NXPE2: variants seen among roughly 807,000 people sequenced by gnomAD.
NXPE2 encodes the protein NXPE family member 2.
A neutral mutation model predicts 34.4 loss-of-function variants in NXPE2; 34 were observed. The ratio of observed to expected loss-of-function variants is 0.99; its 90% CI spans 0.75 to 1.31. The LOEUF is 1.31. Among genes scored for constraint, NXPE2 ranks in the 40% most tolerant of loss-of-function variants. The probability of loss-of-function intolerance (pLI) is 0.00; values close to 1 mark genes in which losing one functional copy is unlikely to be tolerated. For missense variants in NXPE2, 649 were observed against 672.5 expected, an observed-to-expected ratio of 0.97 and a Z score of 0.39; for synonymous variants, 235 against 231.3, an observed-to-expected ratio of 1.02 and a Z score of -0.15.
chr11:114,710,952 C>A (rs938630953), downstream of NXPE2, among the ~76,000 whole-genome samples: 2 of 152,054 alleles, frequency 1.3e-5, no homozygotes, highest in East Asian at 1.9e-4. Flanking sequence ...GAAAATCAGT[C>A]AATGTAATGT....
chr11:114,603,986 G>T, the NXPE2 span, among the ~76,000 whole-genome samples: 2 of 151,544 alleles, frequency 1.3e-5, no homozygotes, highest in Non-Finnish European at 2.9e-5. Flanking sequence ...TGGATAATAA[G>T]TATTGCCTCG....
chr11:114,624,580 C>G, the NXPE2 span, among the ~76,000 whole-genome samples: 4 of 151,708 alleles, frequency 2.6e-5, no homozygotes, highest in African/African-American at 9.7e-5. Flanking sequence ...TGGGTAACCA[C>G]TGTTAACTGG....
chr11:114,633,238 CATATA>C, the NXPE2 span, among the ~76,000 whole-genome samples: 27 of 129,668 alleles, frequency 2.1e-4, no homozygotes, highest in African/African-American at 8.0e-4. Context: ...ATATATGTAA[CATATA>C]ATATATAATA....
chr11:114,735,110 A>AAAT, the NXPE2 span, among the ~76,000 whole-genome samples: 3,159 of 151,594 alleles, frequency 0.021, 36 homozygotes, highest in African/African-American at 0.047. Flanking sequence ...ACTCTGTCTC[A>AAAT]AATAATAATA....
the NXPE2 span, among the ~76,000 whole-genome samples, chr11:114,587,280 A>G: frequency 1.3e-5 from 2 of 152,216 alleles, no homozygotes; most frequent in African/African-American, 4.8e-5. Flanking sequence ...CTTTTAAGGC[A>G]CCTATTCTGC....
At chr11:114,671,939 C>T in the NXPE2 span, among the ~76,000 whole-genome samples, 8 of 152,026 alleles carry the variant, frequency 5.3e-5, no homozygotes, top group African/African-American at 1.9e-4. Flanking sequence ...GTTTAATCGG[C>T]TTATGTTTCT....
intron 4 of NXPE2, among the ~76,000 whole-genome samples, chr11:114,704,331 T>TG (rs35649163): frequency 0.41 from 62,232 of 152,010 alleles, 13,212 homozygotes; most frequent in South Asian, 0.49. Context: ...TATTTAAATT[T>TG]AGATTTATTC....
the NXPE2 span, among the ~76,000 whole-genome samples, chr11:114,731,009 T>C: frequency 1.3e-5 from 2 of 151,594 alleles, no homozygotes; most frequent in African/African-American, 2.4e-5. Context: ...TTTGCCTGTT[T>C]AGTATGTTGT....
chr11:114,530,667 C>T, the NXPE2 span: 1 of 1,614,196 alleles, frequency 6.2e-7, no homozygotes, highest in Non-Finnish European at 8.5e-7. Context: ...CTGGTCTCCC[C>T]TGCAGTATGT....
At chr11:114,484,078 G>A in the NXPE2 span, among the ~76,000 whole-genome samples, 9 of 152,250 alleles carry the variant, frequency 5.9e-5, no homozygotes, top group East Asian at 3.9e-4. Context: ...AAAGTTCTCC[G>A]TCATGTCTTC....
the NXPE2 span, among the ~76,000 whole-genome samples, chr11:114,559,209 C>T: frequency 6.6e-6 from 1 of 152,172 alleles, no homozygotes; most frequent in Non-Finnish European, 1.5e-5. Context: ...TATGACTCAT[C>T]CTACTGCCCA....
chr11:114,522,770 A>C, the NXPE2 span: 1 of 759,802 alleles, frequency 1.3e-6, no homozygotes, highest in Non-Finnish European at 2.2e-6. Context: ...AAATCCAGAG[A>C]GCCAAATGAA....
At chr11:114,771,051 T>C in the NXPE2 span, among the ~76,000 whole-genome samples, 7 of 152,194 alleles carry the variant, frequency 4.6e-5, no homozygotes, top group African/African-American at 7.2e-5. Flanking sequence ...GGTGATATTA[T>C]AGATGATCAT....
chr11:114,811,711 G>C, the NXPE2 span, among the ~76,000 whole-genome samples: 2 of 152,174 alleles, frequency 1.3e-5, no homozygotes, highest in African/African-American at 4.8e-5. Context: ...GCAAGGACAG[G>C]ATCCAGGCAC....
At chr11:114,492,542 T>A in the NXPE2 span, among the ~76,000 whole-genome samples, 1 of 92,982 alleles carries the variant, frequency 1.1e-5, no homozygotes, top group African/African-American at 3.7e-5. Flanking sequence ...TTTCTTTTTC[T>A]TTTTTTTTTT....
the NXPE2 span, among the ~76,000 whole-genome samples, chr11:114,539,836 AC>A: frequency 6.6e-6 from 1 of 152,200 alleles, no homozygotes; most frequent in Non-Finnish European, 1.5e-5. Context: ...GGTTAATGGT[AC>A]CATCAGAAAT....
intron 3 of NXPE2, among the ~76,000 whole-genome samples, chr11:114,703,382 A>G (rs888097390): frequency 3.3e-5 from 5 of 152,258 alleles, no homozygotes; most frequent in Non-Finnish European, 5.9e-5. Context: ...TAATGTCCGT[A>G]GACCATTGGC....
At chr11:114,492,759 T>G in the NXPE2 span, among the ~76,000 whole-genome samples, 1 of 152,162 alleles carries the variant, frequency 6.6e-6, no homozygotes, top group African/African-American at 2.4e-5. Context: ...CAGGATGGTC[T>G]CAATTTCTTG....
the NXPE2 span, among the ~76,000 whole-genome samples, chr11:114,524,976 T>C: frequency 6.6e-5 from 10 of 152,156 alleles, no homozygotes; most frequent in Non-Finnish European, 1.0e-4. Flanking sequence ...GTTTCTTGTA[T>C]AACAGCAGAT....
Sources: gnomAD v4.1 joint callset for allele counts (sites outside exome capture counted in the v4.1 genomes callset) on GRCh38, gnomAD v4.1.1 for gene constraint, MANE v1.5 for transcripts, NCBI Gene and HGNC (gene_info 2026-07-23, HGNC 2026-07-21) for gene names.